The following TASP1 variants were observed in gnomAD, a reference collection of about 807,000 sequenced individuals.
The protein encoded by TASP1 is taspase 1.
In TASP1, 16 loss-of-function variants were observed where a neutral mutation model predicts 56.6. The observed-to-expected ratio is 0.28, with a 90% CI of 0.19 to 0.43. TASP1 has a LOEUF of 0.43. Among genes scored for constraint, TASP1 ranks in the 20% least tolerant of loss-of-function variants. The pLI is 1.00. For synonymous variants in TASP1, 179 were observed against 184.2 expected (o/e 0.97, Z 0.23); for missense variants, 393 against 511.6 (o/e 0.77, Z 2.24).
chr20:13,294,025 CG>C, the TASP1 span, among the ~76,000 whole-genome samples: 2 of 151,824 alleles, frequency 1.3e-5, no homozygotes, highest in Non-Finnish European at 2.9e-5. Flanking sequence ...GCTACAGTGT[CG>C]GGGGCAGTAG....
chr20:13,545,517 T>C (rs1427630233), intron 8 of TASP1, among the ~76,000 whole-genome samples: 3 of 152,222 alleles, frequency 2.0e-5, no homozygotes, highest in Non-Finnish European at 4.4e-5. Flanking sequence ...AATTCCTCTA[T>C]GGCCTATTTT....
downstream of TASP1, among the ~76,000 whole-genome samples, chr20:13,385,034 G>C (rs150288372): frequency 1.7e-4 from 26 of 152,288 alleles, 2 homozygotes; most frequent in East Asian, 5.0e-3. Flanking sequence ...TTAGTTTTAA[G>C]AAAAATTTTG....
chr20:13,630,943 A>G (rs1230103010), intron 1 of TASP1, among the ~76,000 whole-genome samples: 2 of 152,082 alleles, frequency 1.3e-5, no homozygotes, highest in Non-Finnish European at 2.9e-5. Context: ...TATTTTTTAA[A>G]ACAATTTTAT....
At chr20:13,581,120 G>T in intron 5 of TASP1, 139 bp from the exon 6 acceptor site, 1 of 670,306 alleles carries the variant, frequency 1.5e-6, no homozygotes, top group Non-Finnish European at 2.4e-6. Flanking sequence ...TAATACTAAT[G>T]AAAACCCTTA....
intron 11 of TASP1, among the ~76,000 whole-genome samples, chr20:13,455,411 T>C (rs1285935352): frequency 6.6e-6 from 1 of 152,102 alleles, no homozygotes; most frequent in East Asian, 1.9e-4. Flanking sequence ...GAGATCTAGT[T>C]TGAAGCACTA....
the TASP1 span, among the ~76,000 whole-genome samples, chr20:13,197,545 C>T: frequency 1.3e-5 from 2 of 152,182 alleles, no homozygotes; most frequent in Non-Finnish European, 2.9e-5. Context: ...TAGGGAAGTT[C>T]ACTCTTCACT....
intron 11 of TASP1, among the ~76,000 whole-genome samples, chr20:13,457,038 G>A (rs1025738011): frequency 1.8e-4 from 27 of 151,930 alleles, no homozygotes; most frequent in African/African-American, 6.3e-4. Context: ...ACCAAACACC[G>A]CATGTTCTCA....
At chr20:13,309,549 C>T in the TASP1 span, among the ~76,000 whole-genome samples, 1 of 152,108 alleles carries the variant, frequency 6.6e-6, no homozygotes, top group South Asian at 2.1e-4. Context: ...GACAAGCATG[C>T]TCACTCTTAC....
the TASP1 span, among the ~76,000 whole-genome samples, chr20:13,359,079 A>G: frequency 2.7e-5 from 4 of 147,298 alleles, no homozygotes; most frequent in African/African-American, 7.8e-5. Flanking sequence ...TTATTTCCAC[A>G]CCCCAACCTC....
the TASP1 span, among the ~76,000 whole-genome samples, chr20:13,280,399 C>T: frequency 7.5e-5 from 11 of 147,534 alleles, no homozygotes; most frequent in Admixed American, 5.4e-4. Context: ...TAACCCCCCC[C>T]CCCCAATACA....
chr20:13,303,292 A>G, the TASP1 span, among the ~76,000 whole-genome samples: 2 of 152,068 alleles, frequency 1.3e-5, no homozygotes, highest in African/African-American at 4.8e-5. Context: ...CTTTGCTTAG[A>G]TTGTTCAAAG....
intron 10 of TASP1, among the ~76,000 whole-genome samples, chr20:13,507,619 G>A (rs772388892): frequency 3.9e-5 from 6 of 152,076 alleles, no homozygotes; most frequent in Non-Finnish European, 5.9e-5. Flanking sequence ...CTGTGTTCAC[G>A]GACTGAAAGA....
chr20:13,247,991 T>G, the TASP1 span, among the ~76,000 whole-genome samples: 1 of 152,178 alleles, frequency 6.6e-6, no homozygotes, highest in African/African-American at 2.4e-5. Context: ...CCTCTATGAC[T>G]TGTTCATCGT....
chr20:13,452,738 A>G (rs2043670985), intron 11 of TASP1, among the ~76,000 whole-genome samples: 1 of 152,050 alleles, frequency 6.6e-6, no homozygotes, highest in Non-Finnish European at 1.5e-5. Context: ...GAAAGGCCTC[A>G]GGATGGAGAA....
chr20:13,518,387 G>T (rs1199663125), intron 10 of TASP1, among the ~76,000 whole-genome samples: 2 of 152,084 alleles, frequency 1.3e-5, no homozygotes, highest in African/African-American at 4.8e-5. Context: ...TCTCAGAGAA[G>T]AAAGAGCTAT....
the TASP1 span, among the ~76,000 whole-genome samples, chr20:13,366,327 G>A: frequency 6.6e-6 from 1 of 152,126 alleles, no homozygotes; most frequent in Non-Finnish European, 1.5e-5. Flanking sequence ...AGGTCAGGAA[G>A]AGAACAGAAA....
At chr20:13,270,044 A>G in the TASP1 span, among the ~76,000 whole-genome samples, 1 of 152,158 alleles carries the variant, frequency 6.6e-6, no homozygotes, top group South Asian at 2.1e-4. Context: ...GTAATGAATA[A>G]TATGGCCCAA....
chr20:13,306,283 T>C, the TASP1 span, among the ~76,000 whole-genome samples: 573 of 152,108 alleles, frequency 3.8e-3, 1 homozygote, highest in Non-Finnish European at 6.8e-3. Context: ...TTCTATGTTG[T>C]TTAGTTTATT....
At chr20:13,385,863 G>A (rs1185750783), downstream of TASP1, among the ~76,000 whole-genome samples, 1 of 152,190 alleles carries the variant, frequency 6.6e-6, no homozygotes, top group Admixed American at 6.5e-5. Context: ...CCAACTTCTA[G>A]GGAGTGCTGA....
Sources: gnomAD v4.1 joint callset for allele counts (sites outside exome capture counted in the v4.1 genomes callset) on GRCh38, gnomAD v4.1.1 for gene constraint, MANE v1.5 for transcripts, NCBI Gene and HGNC (gene_info 2026-07-23, HGNC 2026-07-21) for gene names.